TENM2: variants seen among roughly 807,000 people sequenced by gnomAD.
TENM2 encodes the protein teneurin-2.
TENM2 carries 52 observed loss-of-function variants against 245.2 expected under a neutral mutation model. The ratio of observed to expected loss-of-function variants is 0.21; its 90% CI spans 0.17 to 0.27. The LOEUF (loss-of-function observed/expected upper bound fraction) is 0.27. Ranked by LOEUF, TENM2 falls within the 10% of genes least tolerant of loss-of-function variation. The probability of loss-of-function intolerance (pLI) is 1.00; values close to 1 mark genes in which losing one functional copy is unlikely to be tolerated. For missense variants in TENM2, 3,046 were observed against 3,666.8 expected (o/e 0.83, Z 4.37); for synonymous variants, 1,363 against 1,438.9 (o/e 0.95, Z 1.19).
At chr5:168,036,659 T>G (rs1787703034) in intron 5 of TENM2, among the ~76,000 whole-genome samples, 1 of 129,518 alleles carries the variant, frequency 7.7e-6, no homozygotes. Context: ...TATATATATA[T>G]ATATAATATA....
the TENM2 span, among the ~76,000 whole-genome samples, chr5:167,051,965 GT>G: frequency 8.5e-5 from 13 of 152,066 alleles, no homozygotes; most frequent in African/African-American, 2.7e-4. Flanking sequence ...TCTCTTTGCA[GT>G]TTTTTCTTTG....
At chr5:167,488,644 C>A (rs1768234644) in intron 2 of TENM2, among the ~76,000 whole-genome samples, 2 of 152,098 alleles carry the variant, frequency 1.3e-5, no homozygotes. Flanking sequence ...TCTATGAAAT[C>A]CTGCACCCCG....
intron 1 of TENM2, among the ~76,000 whole-genome samples, chr5:167,292,422 A>G (rs1754691631): frequency 6.6e-6 from 1 of 152,176 alleles, no homozygotes. Flanking sequence ...TGTTTACCAC[A>G]TCACACCTAT....
At chr5:167,215,611 C>G in the TENM2 span, among the ~76,000 whole-genome samples, 3 of 152,116 alleles carry the variant, frequency 2.0e-5, no homozygotes, top group Admixed American at 6.5e-5. Flanking sequence ...CTAAAATAGT[C>G]TCGGAACTGA....
chr5:167,339,928 C>T (rs1421920002), intron 1 of TENM2, among the ~76,000 whole-genome samples: 1 of 152,208 alleles, frequency 6.6e-6, no homozygotes, highest in African/African-American at 2.4e-5. Context: ...TTGGACTCGA[C>T]AACATATAGA....
the TENM2 span, among the ~76,000 whole-genome samples, chr5:167,188,402 C>T: frequency 6.6e-6 from 1 of 152,086 alleles, no homozygotes; most frequent in African/African-American, 2.4e-5. Context: ...AATATTTTAC[C>T]TCTCAAAACA....
chr5:167,105,887 CAAAAAAAAAAAAAAAAAAAAAAAAAA>C, the TENM2 span, among the ~76,000 whole-genome samples: 4 of 48,832 alleles, frequency 8.2e-5, no homozygotes, highest in African/African-American at 4.7e-4. Flanking sequence ...GACTCCGTCT[CAAAAAAAAAAAAAAAAAAAAAAAAAA>C]AAAAAAAAAA....
intron 2 of TENM2, among the ~76,000 whole-genome samples, chr5:167,493,723 T>C (rs1470786983): frequency 6.6e-6 from 1 of 152,102 alleles, no homozygotes; most frequent in African/African-American, 2.4e-5. Context: ...AGGTAGGAGA[T>C]AATATATACA....
At chr5:167,915,068 G>A (rs1561929429) in intron 3 of TENM2, among the ~76,000 whole-genome samples, 1 of 152,114 alleles carries the variant, frequency 6.6e-6, no homozygotes, top group Non-Finnish European at 1.5e-5. Flanking sequence ...CATATTCACA[G>A]GTTCTGGAGA....
In TENM2 at chr5:168,218,569, G is replaced by T. The variant is rs1218495242; in HGVS notation, c.4678G>T (p.Ala1560Ser). The change falls in exon 23 of 29, where the codon GCA becomes TCA. Residue 1560 changes from alanine to serine, a missense_variant. Physicochemically the swap from Ala to Ser is moderately conservative, Grantham distance 99. This residue lies in a region of TENM2 where 2,704 missense variants were observed against 3,331.9 expected (regional missense o/e 0.81). Coordinates refer to ENST00000518659, the Ensembl canonical transcript of TENM2. The surrounding 1 kb of genome is among the most constrained non-coding windows in gnomAD (Gnocchi z 5.2). ...AGCTCCAGATGGTACCATTTACATT[G>T]CAGACCTTGGAAATATTCGGATCAG... The T allele has an allele frequency of 1.2e-6, 2 of 1,613,962 alleles. No individual in the cohort carries two copies. Among genetic ancestry groups the T allele is most frequent in the Non-Finnish European group, 1.7e-6 (2 of 1,179,898 alleles).
chr5:167,076,309 T>G, the TENM2 span, among the ~76,000 whole-genome samples: 8 of 152,178 alleles, frequency 5.3e-5, no homozygotes, highest in Admixed American at 5.2e-4. Context: ...AAAAATATGA[T>G]TTTTGTCTGT....
At chr5:168,070,471 C>G (rs550153850) in intron 7 of TENM2, among the ~76,000 whole-genome samples, 10 of 152,068 alleles carry the variant, frequency 6.6e-5, no homozygotes, top group African/African-American at 2.4e-4. Context: ...TTTAAAATAT[C>G]TAAATACTTA....
intron 1 of TENM2, among the ~76,000 whole-genome samples, chr5:167,368,804 C>CA (rs1214472714): frequency 7.2e-5 from 11 of 152,194 alleles, no homozygotes; most frequent in Middle Eastern, 6.8e-3. Context: ...CCCCTACCCC[C>CA]ACCCCAGGCC....
chr5:167,019,381 G>A, the TENM2 span, among the ~76,000 whole-genome samples: 2 of 152,176 alleles, frequency 1.3e-5, no homozygotes, highest in Non-Finnish European at 2.9e-5. Flanking sequence ...TGGTTGTGGA[G>A]AAATTGTGAA....
intron 2 of TENM2, among the ~76,000 whole-genome samples, chr5:167,825,617 A>G (rs2151063928): frequency 6.6e-6 from 1 of 151,974 alleles, no homozygotes; most frequent in African/African-American, 2.4e-5. Context: ...TGTTGGCAGC[A>G]CCTCCCAGGA....
the TENM2 span, among the ~76,000 whole-genome samples, chr5:167,125,639 C>T: frequency 6.6e-6 from 1 of 152,176 alleles, no homozygotes; most frequent in East Asian, 1.9e-4. Context: ...TCTATACATA[C>T]ATATTCTATA....
At chr5:167,258,205 ATATATATATG>A in the TENM2 span, among the ~76,000 whole-genome samples, 1 of 141,276 alleles carries the variant, frequency 7.1e-6, no homozygotes, top group Non-Finnish European at 1.5e-5. Context: ...TGCCATATAT[ATATATATATG>A]TATATATATA....
intron 2 of TENM2, among the ~76,000 whole-genome samples, chr5:167,830,285 T>A (rs1768355704): frequency 6.6e-6 from 1 of 152,236 alleles, no homozygotes; most frequent in Admixed American, 6.5e-5. Flanking sequence ...CTTAAGAGTA[T>A]ACATAGTATC....
the TENM2 span, among the ~76,000 whole-genome samples, chr5:167,140,952 G>A: frequency 2.0e-5 from 3 of 152,112 alleles, no homozygotes; most frequent in Admixed American, 6.5e-5. Context: ...GCAGTGCTGG[G>A]GTATAGAAAC....
Sources: gnomAD v4.1 joint callset for allele counts (sites outside exome capture counted in the v4.1 genomes callset) on GRCh38, gnomAD v4.1.1 for gene constraint, gnomAD v4.1.1 regional missense constraint, Gnocchi (gnomAD v3.1) non-coding constraint, MANE v1.5 for transcripts, NCBI Gene and HGNC (gene_info 2026-07-23, HGNC 2026-07-21) for gene names.